Variants in KIF21B observed in about 807,000 individuals in gnomAD.
The protein encoded by KIF21B is kinesin-like protein KIF21B.
In KIF21B, 85 loss-of-function variants were observed where a neutral mutation model predicts 192.9. The ratio of observed to expected loss-of-function variants is 0.44; its 90% CI spans 0.37 to 0.53. The LOEUF is 0.53. Among genes scored for constraint, KIF21B ranks in the 20% least tolerant of loss-of-function variants. The pLI, the probability that KIF21B is intolerant of heterozygous loss-of-function variation, is 0.00. For missense variants in KIF21B, 1,716 were observed against 2,194.8 expected (o/e 0.78, Z 4.36); for synonymous variants, 832 against 884.6 (o/e 0.94, Z 1.05).
chr1:200,991,813 A>C, intron 16 of KIF21B, 88 bp from the exon 17 acceptor site: 1 of 1,357,902 alleles, frequency 7.4e-7, no homozygotes, highest in Non-Finnish European at 1.0e-6. Context: ...CTGTAGTTGA[A>C]AGCCTGGGCT....
In KIF21B at chr1:201,000,894, G is replaced by A; in HGVS notation, c.1403-114C>T. On this transcript the variant is annotated intron_variant, in intron 9 of 34. Coordinates refer to ENST00000461742, the MANE Select transcript of KIF21B (RefSeq NM_001252102.2). This position sits in a 1 kb window ranked among gnomAD's most constrained non-coding sequence, Gnocchi z 6.0. ...AGGCCAAGGCGGGCGGATCACCTGA[G>A]GCTGGGAGTTCGAGACTAGCCTGAC... The A allele has an allele frequency of 9.7e-7, 1 of 1,029,872 alleles. No individual in the cohort carries two copies. The highest frequency in any genetic ancestry group is 1.5e-6 in the Non-Finnish European group (1 of 663,410). 63.8% of individuals were successfully genotyped at this position (1,029,872 alleles called of 1,614,324 possible).
chr1:200,989,887 T>C lies in KIF21B; in HGVS notation c.3132+55A>G. On this transcript the variant is annotated intron_variant, in intron 21 of 34. Transcript: ENST00000461742. The stretch of plus-strand genomic sequence containing the variant: ...CCCCTGGGCTTCACACTAGGGTATA[T>C]CACAGAGGCATCTGTGCCCATAGAG... 5.0e-6 allele frequency: 7 copies of C among 1,398,858 alleles called. No individual in the cohort carries two copies. In the East Asian group the frequency reaches 6.9e-5, roughly 14 times the overall value. 86.7% of individuals were successfully genotyped at this position (1,398,858 alleles called of 1,614,324 possible). A position where few individuals can be genotyped will look rare whatever the true frequency, so the allele number is the denominator to read the frequency against.
Position 200,979,548 on chromosome 1 carries a change from T to A in KIF21B, c.4147A>T (p.Ile1383Phe). The change falls in exon 30 of 35, where the codon ATT becomes TTT. Residue 1383 changes from isoleucine (I) to phenylalanine (F), a missense_variant. By Grantham distance (21) the Ile-to-Phe change is conservative (BLOSUM62 0). Transcript: ENST00000461742. ...GGGGTTACTCACGTGAGAGTCCGAA[T>A]GCACTTGGCTGAGTCCCGGATGTCC... is the stretch of plus-strand genomic sequence containing the variant. ...VWDIRDSAKC[I>F]RTLTSSGQVI... 7 of 1,553,372 alleles carry A rather than the reference T, an allele frequency of 4.5e-6. No homozygotes were observed. The highest frequency in any genetic ancestry group is 6.1e-6 in the Non-Finnish European group (7 of 1,149,734).
chr1:201,002,059 T>C lies in KIF21B; in HGVS notation c.1402+102A>G, dbSNP rs1345114311. The C allele has an allele frequency of 7.9e-6, 8 of 1,012,432 alleles. No individual in the cohort carries two copies. The East Asian group carries it at 1.7e-4, about 22-fold the overall frequency. 62.7% of individuals were successfully genotyped at this position (1,012,432 alleles called of 1,614,324 possible). A position where few individuals can be genotyped will look rare whatever the true frequency, so the allele number is the denominator to read the frequency against. ...ATGCATAAATGAGTTGAACTATGAATTGACTGGCTGGCTTAGTCCACCTGA... is the reference window on the plus strand; with the variant it reads ...ATGCATAAATGAGTTGAACTATGAACTGACTGGCTGGCTTAGTCCACCTGA... On this transcript the variant is annotated intron_variant, in intron 9 of 34. Transcript: ENST00000461742.
chr1:201,014,244 G>A (rs962902439), intron 1 of KIF21B, among the ~76,000 whole-genome samples: 1 of 152,268 alleles, frequency 6.6e-6, no homozygotes, highest in Non-Finnish European at 1.5e-5. Flanking sequence ...GGAGGCCAGG[G>A]ACATGCGGGC....
chr1:200,988,649 AG>A, intron 22 of KIF21B, 105 bp from the exon 23 acceptor site: 1 of 1,475,904 alleles, frequency 6.8e-7, no homozygotes, highest in South Asian at 1.3e-5. Context: ...GAATCAGACC[AG>A]GGCTCCTGGT....
chr1:200,983,125 G>C, intron 27 of KIF21B, 31 bp from the exon 28 acceptor site: 4 of 1,532,700 alleles, frequency 2.6e-6, no homozygotes, highest in Admixed American at 2.0e-5. Flanking sequence ...GCTGGATTAG[G>C]GGGTGAGAGG....
intron 7 of KIF21B, 84 bp downstream of exon 7, chr1:201,004,256 G>A: frequency 1.7e-6 from 2 of 1,175,422 alleles, no homozygotes; most frequent in Non-Finnish European, 2.5e-6. Flanking sequence ...CCTGGGGCAG[G>A]CTTGCGCCAT....
Position 200,990,823 on chromosome 1 carries a change from A to G in KIF21B, c.2687+94T>C, listed in dbSNP as rs1656636885. 1.3e-6 allele frequency: 2 copies of G among 1,591,774 alleles called. No individual in the cohort carries two copies. The highest frequency in any genetic ancestry group is 1.7e-5 in the Admixed American group (1 of 59,272). On this transcript the variant is annotated intron_variant, in intron 18 of 34. Transcript: ENST00000461742. This position sits in a 1 kb window ranked among gnomAD's most constrained non-coding sequence, Gnocchi z 5.4. ...GCTGACAGCCACGGGGACCCGGAGC[A>G]CTCCCCAGAGCTTCCCTCTTCCTCA...
At chr1:201,001,967 A>C (rs1657523250) in intron 9 of KIF21B, 194 bp downstream of exon 9, 1 of 598,412 alleles carries the variant, frequency 1.7e-6, no homozygotes, top group South Asian at 2.0e-5. Context: ...TTGCATGTTG[A>C]ACAAGAAGGA....
chr1:200,997,882 T>G (rs185370665), intron 14 of KIF21B, among the ~76,000 whole-genome samples: 2 of 152,198 alleles, frequency 1.3e-5, no homozygotes, highest in African/African-American at 4.8e-5. Flanking sequence ...CCCACTAGAA[T>G]GTATGCTGCA....
chr1:201,008,114 ATGGGATAAGTGCCCTTAC>A (rs1485173457), intron 3 of KIF21B, among the ~76,000 whole-genome samples: 2 of 152,284 alleles, frequency 1.3e-5, no homozygotes, highest in East Asian at 3.9e-4. Flanking sequence ...AGCAGGGTTT[ATGGGATAAGTGCCCTTAC>A]TGAGTGGGGG....
At chr1:200,994,607 A>T (rs534091957) in intron 15 of KIF21B, among the ~76,000 whole-genome samples, 2 of 152,204 alleles carry the variant, frequency 1.3e-5, no homozygotes. Context: ...TTGGCGTTAC[A>T]TTATTTGCCA....
At chr1:201,020,459 G>A (rs1376234696) in intron 1 of KIF21B, among the ~76,000 whole-genome samples, 1 of 152,122 alleles carries the variant, frequency 6.6e-6, no homozygotes, top group Non-Finnish European at 1.5e-5. Context: ...ACAGTACAAG[G>A]GGATTAATGG....
chr1:201,015,900 C>A (rs1658474293), intron 1 of KIF21B, among the ~76,000 whole-genome samples: 1 of 152,220 alleles, frequency 6.6e-6, no homozygotes, highest in Non-Finnish European at 1.5e-5. Flanking sequence ...ACTTCTTTCT[C>A]AGAAATCATT....
Position 200,999,257 on chromosome 1 carries a change from C to G in KIF21B, c.1885+92G>C, listed in dbSNP as rs1373914146. On this transcript the variant is annotated intron_variant, in intron 13 of 34. Coordinates refer to ENST00000461742, the MANE Select transcript of KIF21B (RefSeq NM_001252102.2). This position sits in a 1 kb window ranked among gnomAD's most constrained non-coding sequence, Gnocchi z 4.7. ...ACGTCTGGGAGTGCTGGGGCCTGGACACCATTATCTTTGAGCAGGGCCCGA... is the reference window on the plus strand; with the variant it reads ...ACGTCTGGGAGTGCTGGGGCCTGGAGACCATTATCTTTGAGCAGGGCCCGA... 6.7e-7 allele frequency: 1 copy of G among 1,489,768 alleles called. No homozygotes were observed. Among genetic ancestry groups the G allele is most frequent in the African/African-American group, 1.4e-5 (1 of 72,540 alleles). 92.3% of individuals were successfully genotyped at this position (1,489,768 alleles called of 1,614,324 possible).
Position 200,973,255 on chromosome 1 carries a change from G to C in KIF21B, c.*266C>G. 2.4e-6 allele frequency: 1 copy of C among 412,372 alleles called. No individual in the cohort carries two copies. The highest frequency in any genetic ancestry group is 4.2e-6 in the Non-Finnish European group (1 of 238,338). 25.5% of individuals were successfully genotyped at this position (412,372 alleles called of 1,614,324 possible). On this transcript the variant is annotated 3_prime_UTR_variant, in exon 35 of 35. Transcript: ENST00000461742. ...GACAATGTGGCCACGACTGCCAGGAGGGGAACAAGAAGGGATAATGCCCTT... is the reference window on the plus strand; with the variant it reads ...GACAATGTGGCCACGACTGCCAGGACGGGAACAAGAAGGGATAATGCCCTT...
rs1035809661 is a variant in KIF21B at position 200,975,976 on chromosome 1, C to A, written c.4444-307G>T. ...ATCACGCCGAGACCCCACAGCTCAA[C>A]AGGCAGCTGCTAAGGAGAAGGGTGG... On this transcript the variant is annotated intron_variant, in intron 32 of 34. Transcript: ENST00000461742. The surrounding 1 kb of genome is among the most constrained non-coding windows in gnomAD (Gnocchi z 4.3). Among the ~76,000 whole-genome samples, 3 of 152,178 alleles carry A rather than the reference C, an allele frequency of 2.0e-5. No homozygotes were observed. The highest frequency in any genetic ancestry group is 7.2e-5 in the African/African-American group (3 of 41,440).
Position 201,023,240 on chromosome 1 carries a change from G to T in KIF21B, c.41+103C>A. Reference sequence around the variant, plus strand: ...CCACGCCGGCCCCTCCTCCGGGAGTGCAGGCTCCAGCCCAAGCGGTGCTCG... The same window carrying T: ...CCACGCCGGCCCCTCCTCCGGGAGTTCAGGCTCCAGCCCAAGCGGTGCTCG... On this transcript the variant is annotated intron_variant, in intron 1 of 34. Transcript: ENST00000461742. The surrounding 1 kb of genome is among the most constrained non-coding windows in gnomAD (Gnocchi z 5.9). The T allele has an allele frequency of 1.0e-6, 1 of 1,004,080 alleles. No individual in the cohort carries two copies. Among genetic ancestry groups the T allele is most frequent in the Non-Finnish European group, 1.4e-6 (1 of 727,968 alleles). 62.2% of individuals were successfully genotyped at this position (1,004,080 alleles called of 1,614,324 possible). A position where few individuals can be genotyped will look rare whatever the true frequency, so the allele number is the denominator to read the frequency against.
Sources: gnomAD v4.1 joint callset for allele counts (sites outside exome capture counted in the v4.1 genomes callset) on GRCh38, gnomAD v4.1.1 for gene constraint, Gnocchi (gnomAD v3.1) non-coding constraint, MANE v1.5 for transcripts, NCBI Gene and HGNC (gene_info 2026-07-23, HGNC 2026-07-21) for gene names.